OVCH1: variants seen among roughly 807,000 people sequenced by gnomAD.
OVCH1 encodes ovochymase-1.
OVCH1 carries 139 observed loss-of-function variants against 138.4 expected under a neutral mutation model. The observed-to-expected ratio is 1.00, with a 90% CI of 0.87 to 1.16. OVCH1 has a LOEUF of 1.16. Ranked by LOEUF, OVCH1 falls within the 50% of genes most tolerant of loss-of-function variation. The pLI is 0.00. For missense variants in OVCH1, 1,367 were observed against 1,357.9 expected (o/e 1.01, Z -0.11); for synonymous variants, 453 against 467.8 (o/e 0.97, Z 0.41).
intron 22 of OVCH1, among the ~76,000 whole-genome samples, chr12:29,450,940 C>G (rs550534133): frequency 1.3e-5 from 2 of 150,290 alleles, no homozygotes; most frequent in Non-Finnish European, 2.9e-5. Flanking sequence ...ACCGCATGTT[C>G]TCACTCATAA....
chr12:29,490,238 T>A (rs562191828), intron 5 of OVCH1, among the ~76,000 whole-genome samples: 35 of 152,098 alleles, frequency 2.3e-4, no homozygotes, highest in African/African-American at 4.1e-4. Flanking sequence ...ATTTTTTATT[T>A]TTTATTTATT....
intron 6 of OVCH1, among the ~76,000 whole-genome samples, chr12:29,488,327 A>G (rs1343299328): frequency 6.6e-6 from 1 of 152,132 alleles, no homozygotes; most frequent in Admixed American, 6.5e-5. Context: ...CTTTAAAAAC[A>G]GAAAGCCTGG....
At chr12:29,463,126 G>A (rs1942195189) in intron 18 of OVCH1, among the ~76,000 whole-genome samples, 1 of 152,154 alleles carries the variant, frequency 6.6e-6, no homozygotes, top group Non-Finnish European at 1.5e-5. Context: ...TCTAGCCTTG[G>A]GGAGAGAGGA....
chr12:29,436,702 C>CTTCACAGTTGAGTG (rs148967948), intron 26 of OVCH1, among the ~76,000 whole-genome samples: 6,556 of 152,168 alleles, frequency 0.043, 442 homozygotes, highest in African/African-American at 0.14. Flanking sequence ...AGCCGCAGAC[C>CTTCACAGTTGAGTG]TTCACAGTTG....
At chr12:29,485,968 TAAAA>T (rs1288872060) in intron 8 of OVCH1, among the ~76,000 whole-genome samples, 7 of 73,958 alleles carry the variant, frequency 9.5e-5, no homozygotes, top group Admixed American at 3.0e-4. Flanking sequence ...TAAAATAAAA[TAAAA>T]TAAATAAATA....
intron 19 of OVCH1, among the ~76,000 whole-genome samples, chr12:29,461,375 G>C (rs1942125944): frequency 6.6e-6 from 1 of 152,192 alleles, no homozygotes. Context: ...TTATGATCTT[G>C]CCAATATCAA....
intron 23 of OVCH1, among the ~76,000 whole-genome samples, chr12:29,444,667 C>T (rs985889898): frequency 6.6e-6 from 1 of 151,932 alleles, no homozygotes; most frequent in Non-Finnish European, 1.5e-5. Context: ...ATACACAGGT[C>T]TAGAATAACA....
intron 26 of OVCH1, chr12:29,439,281 A>T: frequency 7.3e-7 from 1 of 1,372,402 alleles, no homozygotes; most frequent in Non-Finnish European, 9.5e-7. Context: ...CTTTTTGTTA[A>T]GATGTTATAT....
At chr12:29,443,378 G>T (rs1457531219) in exon 25 of OVCH1, 1 of 1,608,498 alleles carries the variant, frequency 6.2e-7, no homozygotes, top group African/African-American at 1.3e-5. Context: ...TTTTTTTCCT[G>T]GTCCAAATCC....
At chr12:29,434,457 C>T (rs1287625590) in intron 26 of OVCH1, among the ~76,000 whole-genome samples, 1 of 151,966 alleles carries the variant, frequency 6.6e-6, no homozygotes, top group Non-Finnish European at 1.5e-5. Flanking sequence ...CAAAGAATTA[C>T]AATCTATTAA....
At chr12:29,416,352 CTG>C (rs1157464773) in intron 3 of OVCH1, among the ~76,000 whole-genome samples, 1 of 151,976 alleles carries the variant, frequency 6.6e-6, no homozygotes, top group African/African-American at 2.4e-5. Flanking sequence ...GTGAAAGACT[CTG>C]TTAAGAGGAT....
intron 7 of OVCH1, 71 bp downstream of exon 7, chr12:29,487,622 G>C (rs1357113692): frequency 7.2e-7 from 1 of 1,394,536 alleles, no homozygotes; most frequent in Non-Finnish European, 9.7e-7. Context: ...GCTTAGTTCT[G>C]ATAATATCGC....
the OVCH1 span, among the ~76,000 whole-genome samples, chr12:29,403,329 T>G: frequency 7.2e-4 from 109 of 152,354 alleles, 1 homozygote; most frequent in African/African-American, 2.5e-3. Flanking sequence ...GTTGTTTGAA[T>G]ATATATATGT....
chr12:29,413,086 T>A (rs937693854), intron 3 of OVCH1, among the ~76,000 whole-genome samples: 7 of 151,812 alleles, frequency 4.6e-5, no homozygotes, highest in Non-Finnish European at 8.8e-5. Flanking sequence ...GGTCTCAAAC[T>A]CCTGGCCTCA....
exon 18 of OVCH1, chr12:29,464,695 C>T (rs1942257071): frequency 1.2e-6 from 2 of 1,610,878 alleles, no homozygotes; most frequent in Non-Finnish European, 1.7e-6. Flanking sequence ...GTGTTTGGCC[C>T]TTCTCACCTG....
chr12:29,476,917 C>A (rs538235539), intron 12 of OVCH1, among the ~76,000 whole-genome samples, 185 bp downstream of exon 12: 50 of 152,154 alleles, frequency 3.3e-4, no homozygotes, highest in African/African-American at 1.1e-3. Flanking sequence ...ATTGGATACA[C>A]TTTTAAACCA....
intron 25 of OVCH1, among the ~76,000 whole-genome samples, chr12:29,441,152 G>A (rs1266098644): frequency 4.6e-5 from 7 of 152,192 alleles, no homozygotes; most frequent in East Asian, 3.9e-4. Flanking sequence ...TTGACAACCC[G>A]CATTGCCAAG....
chr12:29,496,899 T>C (rs372186266), intron 1 of OVCH1, among the ~76,000 whole-genome samples: 1 of 152,192 alleles, frequency 6.6e-6, no homozygotes, highest in Non-Finnish European at 1.5e-5. Flanking sequence ...GTGTTACCAC[T>C]GGGCAGGAAG....
At chr12:29,435,574 T>G (rs1941343605) in intron 26 of OVCH1, among the ~76,000 whole-genome samples, 1 of 152,090 alleles carries the variant, frequency 6.6e-6, no homozygotes, top group African/African-American at 2.4e-5. Context: ...CAGGATGGTC[T>G]TGATCTCCTG....
Sources: allele counts gnomAD v4.1 joint callset (sites outside exome capture counted in the v4.1 genomes callset), GRCh38; gene constraint gnomAD v4.1.1; transcripts MANE v1.5; gene names NCBI Gene and HGNC (gene_info 2026-07-23, HGNC 2026-07-21).